Variants in TRPV1 observed in about 807,000 individuals in gnomAD.
The protein encoded by TRPV1 is transient receptor potential cation channel subfamily V member 1.
In TRPV1, 82 loss-of-function variants were observed where a neutral mutation model predicts 82.3. That is an observed-to-expected ratio of 1.00 (90% confidence interval 0.83 to 1.20). The LOEUF is 1.20. TRPV1 is among the 50% of genes most tolerant of loss of function. The pLI is 0.00. For synonymous variants in TRPV1, 515 were observed against 467.7 expected (o/e 1.10, Z -1.30); for missense variants, 1,067 against 1,096.8 (o/e 0.97, Z 0.38).
chr17:3,582,189 C>CAAAAAAAAAAAAAAAAAAAAAAA (rs71153376), intron 10 of TRPV1, among the ~76,000 whole-genome samples: 1 of 25,914 alleles, frequency 3.9e-5, no homozygotes, highest in Non-Finnish European at 7.3e-5. Flanking sequence ...GACTCCATCT[C>CAAAAAAAAAAAAAAAAAAAAAAA]AAAAAAAAAA....
Position 3,592,375 on chromosome 17 carries a change from G to A in TRPV1, c.-25C>T, listed in dbSNP as rs1459258201. The A allele has an allele frequency of 1.3e-6, 2 of 1,571,246 alleles. No homozygotes were observed. Among genetic ancestry groups the A allele is most frequent in the Non-Finnish European group, 8.6e-7 (1 of 1,158,432 alleles). The stretch of plus-strand genomic sequence containing the variant: ...TCCTTGCTGGATCCTCTGTGGCCCA[G>A]TGTGCAACCTGCAGCAGCCACCACG... On this transcript the variant is annotated 5_prime_UTR_variant, in exon 3 of 17. Transcript: ENST00000572705.
chr17:3,593,638 C>T (rs2075189122), intron 2 of TRPV1, among the ~76,000 whole-genome samples: 1 of 152,212 alleles, frequency 6.6e-6, no homozygotes, highest in Admixed American at 6.5e-5. Context: ...ATGCCGCCTC[C>T]TCCATGAAGC....
At position 3,573,271 on chromosome 17, in the gene TRPV1, G is replaced by C. The variant is rs540597083; in HGVS notation, c.2103+362C>G. On this transcript the variant is annotated intron_variant, in intron 14 of 16. Coordinates refer to ENST00000572705, the MANE Select transcript of TRPV1 (RefSeq NM_080704.4). ...GCTCCTCTGAGGTGGACACCCTGTC[G>C]GGCTGAGCCCTCCCCCTTCTTCCCT... is the stretch of plus-strand genomic sequence containing the variant. 3.3e-5 allele frequency among the ~76,000 whole-genome samples: 5 copies of C among 152,102 alleles called. No homozygotes were observed. The South Asian group carries it at 1.0e-3, about 32-fold the overall frequency.
At chr17:3,586,576 A>G (rs2075087617) in intron 8 of TRPV1, among the ~76,000 whole-genome samples, 1 of 152,196 alleles carries the variant, frequency 6.6e-6, no homozygotes, top group African/African-American at 2.4e-5. Context: ...GTTCAAGACC[A>G]GCTTGGCCAA....
chr17:3,605,636 G>C (rs2075292215), intron 2 of TRPV1, among the ~76,000 whole-genome samples: 3 of 152,166 alleles, frequency 2.0e-5, no homozygotes, highest in Non-Finnish European at 2.9e-5. Flanking sequence ...TGGAGGTTTA[G>C]CTCAATGTGA....
chr17:3,597,875 T>C (rs1431529435), intron 2 of TRPV1, among the ~76,000 whole-genome samples: 1 of 152,104 alleles, frequency 6.6e-6, no homozygotes, highest in East Asian at 1.9e-4. Context: ...GGTTTCGCCA[T>C]GTTGGCCAGG....
At chr17:3,572,379 C>T (rs2074866883) in intron 14 of TRPV1, 130 bp from the exon 15 acceptor site, 3 of 1,128,378 alleles carry the variant, frequency 2.7e-6, no homozygotes, top group African/African-American at 1.5e-5. Context: ...TTGTCCAGTG[C>T]CCTCCACGCT....
At chr17:3,587,203 C>T (rs1369499016) in intron 8 of TRPV1, among the ~76,000 whole-genome samples, 1 of 152,198 alleles carries the variant, frequency 6.6e-6, no homozygotes, top group African/African-American at 2.4e-5. Flanking sequence ...ACACTTGTAT[C>T]CAGCACTCTG....
At chr17:3,572,585 G>A (rs893739553) in intron 14 of TRPV1, among the ~76,000 whole-genome samples, 1 of 152,236 alleles carries the variant, frequency 6.6e-6, no homozygotes, top group Admixed American at 6.5e-5. Context: ...AGGGCCACGA[G>A]TGAGACTGCC....
At chr17:3,576,668 A>ATAT (rs1555549457) in intron 13 of TRPV1, among the ~76,000 whole-genome samples, 749 of 38,420 alleles carry the variant, frequency 0.019, 29 homozygotes, top group East Asian at 0.11. Flanking sequence ...AAAAAAAAAA[A>ATAT]ATATATATAT....
At chr17:3,600,461 C>T (rs371700105) in intron 2 of TRPV1, among the ~76,000 whole-genome samples, 3 of 152,180 alleles carry the variant, frequency 2.0e-5, no homozygotes, top group South Asian at 2.1e-4. Flanking sequence ...TGGTGGTGCA[C>T]GCCTGTAGTC....
chr17:3,597,954 G>C (rs1295234605), intron 2 of TRPV1, among the ~76,000 whole-genome samples: 4 of 152,158 alleles, frequency 2.6e-5, no homozygotes, highest in Non-Finnish European at 4.4e-5. Flanking sequence ...TTCCAGGCGT[G>C]AGCCACTGCG....
intron 2 of TRPV1, among the ~76,000 whole-genome samples, chr17:3,594,402 T>A (rs2075199857): frequency 6.6e-6 from 1 of 151,852 alleles, no homozygotes; most frequent in South Asian, 2.1e-4. Flanking sequence ...AAGTCCTACA[T>A]TTTCAAGTTA....
intron 13 of TRPV1, among the ~76,000 whole-genome samples, chr17:3,576,668 A>AAAAAAAAAAAAATATAAATATATAT: frequency 2.6e-5 from 1 of 38,390 alleles, no homozygotes; most frequent in Non-Finnish European, 5.3e-5. Context: ...AAAAAAAAAA[A>AAAAAAAAAAAAATATAAATATATAT]ATATATATAT....
chr17:3,577,807 A>G (rs1274585774), intron 11 of TRPV1, 44 bp from the exon 12 acceptor site: 3 of 1,552,534 alleles, frequency 1.9e-6, no homozygotes, highest in African/African-American at 1.4e-5. Flanking sequence ...GGAACCCAGG[A>G]GGCCTGGCAC....
chr17:3,581,701 A>G (rs1485434829), intron 10 of TRPV1, among the ~76,000 whole-genome samples: 1 of 150,258 alleles, frequency 6.7e-6, no homozygotes, highest in Non-Finnish European at 1.5e-5. Flanking sequence ...CCTGGTTAAC[A>G]TGGTGAAACC....
At chr17:3,607,154 G>GA in intron 2 of TRPV1, among the ~76,000 whole-genome samples, 1 of 152,044 alleles carries the variant, frequency 6.6e-6, no homozygotes, top group African/African-American at 2.4e-5. Flanking sequence ...TCAAGACCAG[G>GA]CCAACATGGT....
At chr17:3,585,667 G>T (rs2075074836) in intron 9 of TRPV1, 101 bp downstream of exon 9, 2 of 1,429,826 alleles carry the variant, frequency 1.4e-6, no homozygotes, top group African/African-American at 2.8e-5. Context: ...AGGAGTCCAG[G>T]GCAGAGCCTG....
Position 3,573,532 on chromosome 17 carries a change from G to GCCCAC in TRPV1, c.2103+100_2103+101insGTGGG. 9 of 257,076 alleles carry GCCCAC rather than the reference G, an allele frequency of 3.5e-5. 4 individuals carry two copies. Among genetic ancestry groups the GCCCAC allele is most frequent in the South Asian group, 6.0e-5 (2 of 33,506 alleles). The allele number at this position is 257,076 out of a possible 1,614,324, so 15.9% of individuals were successfully genotyped here. ...GCCCATACCCTCCTGGCCACACACCGCCCCCACCACCCACCCACCTGCAGC... is the reference window on the plus strand; with the variant it reads ...GCCCATACCCTCCTGGCCACACACCGCCCACCCCCCACCACCCACCCACCTGCAGC... On this transcript the variant is annotated intron_variant, in intron 14 of 16. Coordinates refer to ENST00000572705, the MANE Select transcript of TRPV1 (RefSeq NM_080704.4).
Sources: gnomAD v4.1 joint callset for allele counts (sites outside exome capture counted in the v4.1 genomes callset) on GRCh38, gnomAD v4.1.1 for gene constraint, MANE v1.5 for transcripts, NCBI Gene and HGNC (gene_info 2026-07-23, HGNC 2026-07-21) for gene names.